Variants in FAM227B observed in about 807,000 individuals in gnomAD.
FAM227B encodes the protein protein FAM227B.
Under a neutral mutation model 73.8 loss-of-function variants are expected in FAM227B, and 88 were observed. The ratio of observed to expected loss-of-function variants is 1.19; its 90% confidence interval spans 1.00 to 1.42. The LOEUF is 1.42. FAM227B is among the 40% of genes most tolerant of loss of function. The pLI, the probability that FAM227B is intolerant of heterozygous loss-of-function variation, is 0.00. For missense variants in FAM227B, 632 were observed against 590.9 expected (o/e 1.07, Z -0.72); for synonymous variants, 210 against 190.5 (o/e 1.10, Z -0.84).
At chr15:49,535,283 A>G (rs2060926077) in intron 10 of FAM227B, among the ~76,000 whole-genome samples, 1 of 151,768 alleles carries the variant, frequency 6.6e-6, no homozygotes, top group South Asian at 2.1e-4. Flanking sequence ...TTATGAGACT[A>G]TTATGAATAA....
chr15:49,432,346 T>A (rs917303864), intron 11 of FAM227B, among the ~76,000 whole-genome samples: 3 of 151,802 alleles, frequency 2.0e-5, no homozygotes, highest in Admixed American at 1.3e-4. Context: ...CTTCTCTAAC[T>A]AACCTGCTGA....
chr15:49,363,270 C>T (rs1280929068), intron 13 of FAM227B, among the ~76,000 whole-genome samples: 1 of 152,130 alleles, frequency 6.6e-6, no homozygotes, highest in Non-Finnish European at 1.5e-5. Context: ...GAATGTTCTT[C>T]CACTTGTTTG....
intron 11 of FAM227B, among the ~76,000 whole-genome samples, chr15:49,378,659 C>G (rs1204237641): frequency 6.6e-6 from 1 of 152,024 alleles, no homozygotes; most frequent in Non-Finnish European, 1.5e-5. Flanking sequence ...GATTTTGTAT[C>G]CTGAAGCTTT....
chr15:49,579,244 G>T (rs1444051808), intron 5 of FAM227B, among the ~76,000 whole-genome samples: 5 of 152,122 alleles, frequency 3.3e-5, no homozygotes, highest in Non-Finnish European at 5.9e-5. Flanking sequence ...CAGTACAGAG[G>T]TTTCTCAAAA....
At chr15:49,580,819 G>A (rs1050646630) in intron 5 of FAM227B, among the ~76,000 whole-genome samples, 13 of 152,110 alleles carry the variant, frequency 8.5e-5, no homozygotes, top group East Asian at 3.8e-4. Context: ...TGAAAAACAC[G>A]CTAAAAGTAT....
intron 11 of FAM227B, among the ~76,000 whole-genome samples, chr15:49,439,075 C>T (rs1452871783): frequency 6.6e-6 from 1 of 151,680 alleles, no homozygotes; most frequent in Non-Finnish European, 1.5e-5. Context: ...AAACTGTCAG[C>T]TAGGGCTGAA....
intron 10 of FAM227B, among the ~76,000 whole-genome samples, chr15:49,509,124 C>T (rs1421497146): frequency 6.6e-6 from 1 of 152,110 alleles, no homozygotes; most frequent in African/African-American, 2.4e-5. Flanking sequence ...ATAGGAGCTA[C>T]CCCTATCTGG....
At chr15:49,597,094 A>T (rs1333344266) in intron 3 of FAM227B, among the ~76,000 whole-genome samples, 2 of 152,020 alleles carry the variant, frequency 1.3e-5, no homozygotes, top group African/African-American at 4.8e-5. Context: ...GAAATTATGG[A>T]CTTAAACTAT....
At chr15:49,342,007 T>C (rs1009963219) in intron 13 of FAM227B, among the ~76,000 whole-genome samples, 5 of 152,216 alleles carry the variant, frequency 3.3e-5, no homozygotes, top group African/African-American at 4.8e-5. Flanking sequence ...GTATTTTCTG[T>C]GGTTGATGGG....
At chr15:49,372,065 T>C in intron 11 of FAM227B, among the ~76,000 whole-genome samples, 1 of 88,934 alleles carries the variant, frequency 1.1e-5, no homozygotes, top group African/African-American at 4.1e-5. Flanking sequence ...AATTCACTTA[T>C]AAATCAATGA....
At chr15:49,605,851 T>C (rs1300439272) in intron 3 of FAM227B, among the ~76,000 whole-genome samples, 1 of 152,020 alleles carries the variant, frequency 6.6e-6, no homozygotes, top group Admixed American at 6.6e-5. Context: ...CTGAGAGGGA[T>C]AGCCTGGGGC....
At chr15:49,587,569 A>G (rs1026042349) in intron 5 of FAM227B, among the ~76,000 whole-genome samples, 4 of 152,186 alleles carry the variant, frequency 2.6e-5, no homozygotes, top group Admixed American at 6.6e-5. Context: ...AACATTATAT[A>G]ATTTTAGAAC....
At chr15:49,423,615 C>A (rs1292860623) in intron 11 of FAM227B, among the ~76,000 whole-genome samples, 2 of 152,058 alleles carry the variant, frequency 1.3e-5, no homozygotes, top group Non-Finnish European at 2.9e-5. Flanking sequence ...CAGAGCAATC[C>A]TGACATTTAA....
intron 11 of FAM227B, chr15:49,484,536 C>A (rs746054252): frequency 8.2e-6 from 10 of 1,222,442 alleles, no homozygotes; most frequent in Non-Finnish European, 9.9e-6. Context: ...CCAGTTCCAG[C>A]AGGGAGATTT....
chr15:49,366,117 T>C (rs1156371563), intron 13 of FAM227B: 33 of 968,970 alleles, frequency 3.4e-5, no homozygotes, highest in Non-Finnish European at 1.7e-6. Flanking sequence ...ACTAGTCCAC[T>C]CCAGTATCCA....
At chr15:49,471,534 T>TAATAA (rs1434567116) in intron 11 of FAM227B, among the ~76,000 whole-genome samples, 1 of 139,882 alleles carries the variant, frequency 7.1e-6, no homozygotes, top group Non-Finnish European at 1.5e-5. Context: ...AATAATAATA[T>TAATAA]GGCAAATGTA....
intron 2 of FAM227B, among the ~76,000 whole-genome samples, chr15:49,614,455 A>G (rs1433264200): frequency 1.3e-5 from 2 of 152,262 alleles, no homozygotes; most frequent in Admixed American, 1.3e-4. Context: ...ACATCAGAGC[A>G]TTAAACCAAA....
intron 9 of FAM227B, among the ~76,000 whole-genome samples, chr15:49,565,934 G>C (rs1179666923): frequency 6.6e-6 from 1 of 152,168 alleles, no homozygotes; most frequent in African/African-American, 2.4e-5. Context: ...GCAACCTCCA[G>C]AAGACAGAAG....
chr15:49,531,796 A>G (rs1374724314), intron 10 of FAM227B, among the ~76,000 whole-genome samples: 2 of 151,978 alleles, frequency 1.3e-5, no homozygotes, highest in Admixed American at 1.3e-4. Flanking sequence ...TGTTTACTAC[A>G]TATTTCATTG....
Sources: allele counts gnomAD v4.1 joint callset (sites outside exome capture counted in the v4.1 genomes callset), GRCh38; gene constraint gnomAD v4.1.1; transcripts MANE v1.5; gene names NCBI Gene and HGNC (gene_info 2026-07-23, HGNC 2026-07-21).